Variants in CACUL1 observed in about 807,000 individuals in gnomAD.
CACUL1 encodes the protein CDK2 associated cullin domain 1.
In CACUL1, 13 loss-of-function variants were observed where a neutral mutation model predicts 45.2. That is an observed-to-expected ratio of 0.29 (90% confidence interval 0.19 to 0.46). CACUL1 has a LOEUF of 0.46. Among genes scored for constraint, CACUL1 ranks in the 20% least tolerant of loss-of-function variants. CACUL1 has a pLI of 1.00. For synonymous variants in CACUL1, 197 were observed against 174.2 expected (o/e 1.13, Z -1.03); for missense variants, 421 against 471.4 (o/e 0.89, Z 0.99).
intron 2 of CACUL1, 98 bp downstream of exon 2, chr10:118,730,186 T>G: frequency 8.0e-7 from 1 of 1,256,640 alleles, no homozygotes; most frequent in South Asian, 1.3e-5. Flanking sequence ...GAGCCTCATC[T>G]TATGCATTCT....
rs545918524 is a variant in CACUL1, at chr10:118,681,675, T to G, written c.*4453A>C. ...ATGCAATATATAGTAGGTTCCCCTA[T>G]GAATGAAGCTCAAATTAGCATTTCC... On this transcript the variant is annotated 3_prime_UTR_variant, in exon 9 of 9. Transcript: ENST00000369151. 1.2e-4 allele frequency: 19 copies of G among 152,340 alleles called. No homozygotes were observed. The highest frequency in any genetic ancestry group is 5.9e-4 in the Admixed American group (9 of 15,302). The allele number at this position is 152,340 out of a possible 1,614,324, so 9.4% of individuals were successfully genotyped here.
At position 118,676,753 on chromosome 10, in the gene CACUL1, TTCA is replaced by T. The variant is rs1325239863; in HGVS notation, c.*9372_*9374del. The T allele has an allele frequency of 2.0e-5, 3 of 152,172 alleles. No individual in the cohort carries two copies. The East Asian group carries it at 5.8e-4, about 29-fold the overall frequency. The allele number at this position is 152,172 out of a possible 1,614,324, so 9.4% of individuals were successfully genotyped here. A position where few individuals can be genotyped will look rare whatever the true frequency, so the allele number is the denominator to read the frequency against. ...AAACAATATTTTAAAACATTTTTAC[TTCA>T]TCTTTTTGATTTTCTACTTTTGCTT... On this transcript the variant is annotated 3_prime_UTR_variant, in exon 9 of 9. Coordinates refer to ENST00000369151, the MANE Select transcript of CACUL1 (RefSeq NM_153810.5).
rs1208375240 is a variant in CACUL1, at chr10:118,682,008, G to A, written c.*4120C>T. The A allele has an allele frequency of 1.3e-5, 2 of 152,158 alleles. No individual in the cohort carries two copies. Among genetic ancestry groups the A allele is most frequent in the Non-Finnish European group, 2.9e-5 (2 of 68,030 alleles). The allele number at this position is 152,158 out of a possible 1,614,324, so 9.4% of individuals were successfully genotyped here. A position where few individuals can be genotyped will look rare whatever the true frequency, so the allele number is the denominator to read the frequency against. On this transcript the variant is annotated 3_prime_UTR_variant, in exon 9 of 9. Coordinates refer to ENST00000369151, the MANE Select transcript of CACUL1 (RefSeq NM_153810.5). ...GACCTCCATTTTAACTTCTGACAAA[G>A]TTAACTTCATTTATACAATCGTATT...
intron 3 of CACUL1, among the ~76,000 whole-genome samples, chr10:118,716,305 A>ATT (rs143046882): frequency 5.5e-5 from 8 of 145,034 alleles, no homozygotes; most frequent in African/African-American, 1.5e-4. Context: ...CCATTTTGGT[A>ATT]TTTTTTTTTT....
rs1845143765 is a variant in CACUL1, at chr10:118,680,630, G to A, written c.*5498C>T. On this transcript the variant is annotated 3_prime_UTR_variant, in exon 9 of 9. Coordinates refer to ENST00000369151, the MANE Select transcript of CACUL1 (RefSeq NM_153810.5). ...AAATGCAAAGAAAAAAACAACCTAA[G>A]TCCAAAAGTTGATTAAAGGTCCACA... The A allele has an allele frequency of 6.6e-6, 1 of 152,082 alleles. No homozygotes were observed. Among genetic ancestry groups the A allele is most frequent in the Non-Finnish European group, 1.5e-5 (1 of 68,004 alleles). 9.4% of individuals were successfully genotyped at this position (152,082 alleles called of 1,614,324 possible). A position where few individuals can be genotyped will look rare whatever the true frequency, so the allele number is the denominator to read the frequency against.
At chr10:118,704,927 C>T (rs778987277) in intron 4 of CACUL1, among the ~76,000 whole-genome samples, 40 of 152,202 alleles carry the variant, frequency 2.6e-4, no homozygotes, top group African/African-American at 9.4e-4. Context: ...GTAACACAGG[C>T]GAGCTGGGGC....
chr10:118,706,898 C>T (rs1423984614), intron 4 of CACUL1, among the ~76,000 whole-genome samples: 1 of 152,212 alleles, frequency 6.6e-6, no homozygotes, highest in Non-Finnish European at 1.5e-5. Context: ...AAGGTAGGAT[C>T]AACCTGAACA....
chr10:118,698,774 CTG>C (rs1005168160), intron 5 of CACUL1, among the ~76,000 whole-genome samples: 12 of 152,214 alleles, frequency 7.9e-5, no homozygotes, highest in African/African-American at 2.9e-4. Flanking sequence ...AAATAAAAGA[CTG>C]TTGTTTTAAG....
At chr10:118,691,472 GTTTTCTTTTAAAA>G in intron 6 of CACUL1, 69 bp from the exon 7 acceptor site, 1 of 1,431,404 alleles carries the variant, frequency 7.0e-7, no homozygotes, top group Non-Finnish European at 9.6e-7. Context: ...AAAAGGGAAA[GTTTTCTTTTAAAA>G]TATATAGTAA....
chr10:118,753,098 G>A (rs907016138), intron 1 of CACUL1, among the ~76,000 whole-genome samples: 1 of 152,076 alleles, frequency 6.6e-6, no homozygotes, highest in African/African-American at 2.4e-5. Flanking sequence ...ACTTTACTAA[G>A]GCAATCTTCC....
intron 7 of CACUL1, among the ~76,000 whole-genome samples, chr10:118,690,543 C>T (rs1845254817): frequency 6.6e-6 from 1 of 152,006 alleles, no homozygotes; most frequent in South Asian, 2.1e-4. Context: ...TAAAGAGATG[C>T]CCTACTTAAG....
chr10:118,701,619 A>G (rs1845381001), intron 4 of CACUL1, among the ~76,000 whole-genome samples: 1 of 152,216 alleles, frequency 6.6e-6, no homozygotes, highest in Admixed American at 6.5e-5. Context: ...TGAACTATAC[A>G]TCTTCAAAAG....
At chr10:118,710,536 T>C (rs1480788179) in intron 3 of CACUL1, among the ~76,000 whole-genome samples, 1 of 152,206 alleles carries the variant, frequency 6.6e-6, no homozygotes, top group Non-Finnish European at 1.5e-5. Context: ...CCTCCCTGAC[T>C]GTTCTTTCTA....
At chr10:118,731,684 C>A (rs933326625) in intron 1 of CACUL1, among the ~76,000 whole-genome samples, 1 of 152,100 alleles carries the variant, frequency 6.6e-6, no homozygotes, top group Non-Finnish European at 1.5e-5. Context: ...TCGACAGGGG[C>A]TGGAAGGTGG....
rs1199119704 is a variant in CACUL1 at position 118,680,210 on chromosome 10, C to T, written c.*5918G>A. 2.0e-5 allele frequency: 3 copies of T among 151,920 alleles called. No homozygotes were observed. The highest frequency in any genetic ancestry group is 4.4e-5 in the Non-Finnish European group (3 of 67,972). The allele number at this position is 151,920 out of a possible 1,614,324, so 9.4% of individuals were successfully genotyped here. A position where few individuals can be genotyped will look rare whatever the true frequency, so the allele number is the denominator to read the frequency against. On this transcript the variant is annotated 3_prime_UTR_variant, in exon 9 of 9. Coordinates refer to ENST00000369151, the MANE Select transcript of CACUL1 (RefSeq NM_153810.5). ...TTAGATAATTGAGAAACAGGCCAAT[C>T]GAAGAAATAAAATTCACACATATAC...
intron 1 of CACUL1, among the ~76,000 whole-genome samples, chr10:118,743,004 CTG>C (rs1252041458): frequency 2.6e-5 from 4 of 152,304 alleles, no homozygotes; most frequent in African/African-American, 7.2e-5. Context: ...CTTCAAGAAA[CTG>C]GATACAGTTC....
intron 1 of CACUL1, among the ~76,000 whole-genome samples, chr10:118,751,505 C>T (rs1845897880): frequency 6.6e-6 from 1 of 152,112 alleles, no homozygotes; most frequent in South Asian, 2.1e-4. Flanking sequence ...TTAAAAAGTT[C>T]CCAACTTTTA....
chr10:118,716,567 T>G (rs1845547466), intron 3 of CACUL1, among the ~76,000 whole-genome samples: 1 of 151,622 alleles, frequency 6.6e-6, no homozygotes, highest in African/African-American at 2.4e-5. Context: ...ATTCCAGCTG[T>G]GCAAATGTGT....
chr10:118,713,600 A>G (rs1404916659), intron 3 of CACUL1, among the ~76,000 whole-genome samples: 1 of 152,252 alleles, frequency 6.6e-6, no homozygotes. Context: ...TTAAATAATG[A>G]GTAATGTATT....
Sources: allele counts gnomAD v4.1 joint callset (sites outside exome capture counted in the v4.1 genomes callset), GRCh38; gene constraint gnomAD v4.1.1; transcripts MANE v1.5; gene names NCBI Gene and HGNC (gene_info 2026-07-23, HGNC 2026-07-21).